The following EXT1 variants were observed in gnomAD, a reference collection of about 807,000 sequenced individuals.
The protein encoded by EXT1 is exostosin glycosyltransferase 1, also known as exostosin-1.
Under a neutral mutation model 82.5 loss-of-function variants are expected in EXT1, and 20 were observed. The observed-to-expected ratio is 0.24, with a 90% CI of 0.17 to 0.35. EXT1 has a LOEUF of 0.35. Among genes scored for constraint, EXT1 ranks in the 10% least tolerant of loss-of-function variants. EXT1 has a pLI of 1.00. For synonymous variants in EXT1, 348 were observed against 350.8 expected (o/e 0.99, Z 0.09); for missense variants, 757 against 936.5 (o/e 0.81, Z 2.50).
chr8:118,068,754 C>A (rs1203436430), intron 1 of EXT1, among the ~76,000 whole-genome samples: 1 of 152,150 alleles, frequency 6.6e-6, no homozygotes, highest in Non-Finnish European at 1.5e-5. Flanking sequence ...GCCTGATAGA[C>A]AATAAACACT....
In EXT1 at chr8:117,799,778, G is replaced by A. The variant is rs1402349742; in HGVS notation, c.2175C>T (p.Asp725=). The A allele has an allele frequency of 3.1e-6, 5 of 1,614,126 alleles. No homozygotes were observed. In the Admixed American group the frequency reaches 5.0e-5, roughly 16 times the overall value. ...MPLIHSQMRL[D]PVLFKDQVSI... is the part of the protein sequence containing the mutation. ...AGACCTGGTCTTTAAAGAGGACGGG[G>A]TCGAGCCTCATCTGAGAGTGGATCA... Residue 725 remains aspartate, a synonymous_variant, in exon 11 of 11, where the codon GAC becomes GAT. Coordinates refer to ENST00000378204, the MANE Select transcript of EXT1 (RefSeq NM_000127.3).
At chr8:117,801,216 T>A (rs927038422) in intron 10 of EXT1, among the ~76,000 whole-genome samples, 3 of 152,204 alleles carry the variant, frequency 2.0e-5, no homozygotes, top group Non-Finnish European at 4.4e-5. Context: ...TGTAAAGTGT[T>A]TTCATGGAGT....
intron 1 of EXT1, among the ~76,000 whole-genome samples, chr8:118,033,938 A>T (rs1431441910): frequency 6.6e-6 from 1 of 152,210 alleles, no homozygotes; most frequent in Non-Finnish European, 1.5e-5. Flanking sequence ...TTAATAACAA[A>T]CTGTTAGAAA....
intron 1 of EXT1, among the ~76,000 whole-genome samples, chr8:118,047,626 G>C (rs552303418): frequency 3.7e-4 from 56 of 152,236 alleles, no homozygotes; most frequent in African/African-American, 1.3e-3. Flanking sequence ...CTGAATATGT[G>C]ATCGAACCTG....
At chr8:118,053,799 C>A (rs950632009) in intron 1 of EXT1, among the ~76,000 whole-genome samples, 5 of 152,166 alleles carry the variant, frequency 3.3e-5, no homozygotes, top group African/African-American at 1.2e-4. Context: ...TGCTCTGAAC[C>A]ATGTTACTTC....
At chr8:118,070,639 CAAAT>C (rs1817073351) in intron 1 of EXT1, among the ~76,000 whole-genome samples, 1 of 152,094 alleles carries the variant, frequency 6.6e-6, no homozygotes, top group African/African-American at 2.4e-5. Flanking sequence ...TAAGACCAAA[CAAAT>C]TCTTTTATGA....
At chr8:118,009,738 C>T (rs541920065) in intron 1 of EXT1, among the ~76,000 whole-genome samples, 46 of 152,284 alleles carry the variant, frequency 3.0e-4, no homozygotes, top group African/African-American at 1.1e-3. Flanking sequence ...ATCTGGGTTG[C>T]ACGCTCCTTA....
intron 1 of EXT1, among the ~76,000 whole-genome samples, chr8:117,881,777 G>A (rs541500130): frequency 6.6e-6 from 1 of 152,274 alleles, no homozygotes; most frequent in South Asian, 2.1e-4. Flanking sequence ...TCTTCTGAAG[G>A]TTGGCAGTGA....
chr8:117,956,896 G>A (rs1018170034), intron 1 of EXT1, among the ~76,000 whole-genome samples: 2 of 152,130 alleles, frequency 1.3e-5, no homozygotes, highest in Non-Finnish European at 2.9e-5. Context: ...CAAGATACCC[G>A]CCTCCGTGAA....
chr8:117,942,502 G>A (rs1359552995), intron 1 of EXT1, among the ~76,000 whole-genome samples: 3 of 152,022 alleles, frequency 2.0e-5, no homozygotes, highest in Non-Finnish European at 2.9e-5. Context: ...ACCTGAGGTC[G>A]GGAGTTCCAG....
In EXT1 at chr8:117,971,434, ACACT is replaced by A. The variant is rs527458554; in HGVS notation, c.963-134237_963-134234del. ...GTTCCCTGATCAAAGCCACTCCATG[ACACT>A]CACTTTTAGGAGTCAAGGGGACTAC... On this transcript the variant is annotated intron_variant, in intron 1 of 10. Transcript: ENST00000378204. Among the ~76,000 whole-genome samples the A allele has an allele frequency of 7.5e-3, 1,141 of 152,344 alleles. 7 individuals carry two copies. Among genetic ancestry groups the A allele is most frequent in the Middle Eastern group, 0.027 (8 of 294 alleles).
rs146389596 is a variant in EXT1 at position 117,812,890 on chromosome 8, C to T, written c.1704G>A (p.Thr568=). Residue 568 remains threonine (T), a synonymous_variant, in exon 8 of 11, where the codon ACG becomes ACA. Coordinates refer to ENST00000378204, the MANE Select transcript of EXT1 (RefSeq NM_000127.3). ...TDAVLSLDED[T]VLSTTEVDFA... is the part of the protein sequence containing the mutation. Reference sequence around the variant, plus strand: ...TTCTTACCTCTGTTGTTGAAAGCACCGTGTCCTCGTCAAGGCTGAGCACGG... The same window carrying T: ...TTCTTACCTCTGTTGTTGAAAGCACTGTGTCCTCGTCAAGGCTGAGCACGG... 1.1e-5 allele frequency: 18 copies of T among 1,613,996 alleles called. No homozygotes were observed. Among genetic ancestry groups the T allele is most frequent in the Middle Eastern group, 1.7e-4 (1 of 6,042 alleles).
chr8:118,083,050 G>C (rs191383756), intron 1 of EXT1, among the ~76,000 whole-genome samples: 1 of 152,272 alleles, frequency 6.6e-6, no homozygotes, highest in East Asian at 1.9e-4. Flanking sequence ...ACCTCTTATA[G>C]TTGATTGACA....
chr8:117,830,408 TCAAAATAACC>T (rs1812079669), intron 3 of EXT1, 59 bp from the exon 4 acceptor site: 1 of 1,596,988 alleles, frequency 6.3e-7, no homozygotes, highest in African/African-American at 1.3e-5. Flanking sequence ...ATGCACTTGA[TCAAAATAACC>T]CAACTGGGTT....
chr8:118,003,034 T>C lies in EXT1; in HGVS notation c.962+107051A>G, dbSNP rs557016723. On this transcript the variant is annotated intron_variant, in intron 1 of 10. Coordinates refer to ENST00000378204, the MANE Select transcript of EXT1 (RefSeq NM_000127.3). Reference sequence around the variant, plus strand: ...TGTTTTATATGTGTATATATATATATACACACACATATACACACCATGGAA... The same window carrying C: ...TGTTTTATATGTGTATATATATATACACACACACATATACACACCATGGAA... Among the ~76,000 whole-genome samples, 42 of 152,146 alleles carry C rather than the reference T, an allele frequency of 2.8e-4. 1 individual carries two copies. The highest frequency in any genetic ancestry group is 1.7e-3 in the South Asian group (8 of 4,812).
intron 1 of EXT1, among the ~76,000 whole-genome samples, chr8:117,896,146 TC>T (rs1431475938): frequency 2.0e-5 from 3 of 152,210 alleles, no homozygotes; most frequent in Non-Finnish European, 2.9e-5. Flanking sequence ...ACTTGAAAAC[TC>T]ACATTCAGGC....
intron 1 of EXT1, among the ~76,000 whole-genome samples, chr8:117,910,553 G>A (rs775065269): frequency 2.0e-5 from 3 of 152,134 alleles, no homozygotes; most frequent in African/African-American, 7.2e-5. Flanking sequence ...GAATTACTGC[G>A]ACAGCCAGAG....
At chr8:118,026,417 CT>C (rs956426947) in intron 1 of EXT1, among the ~76,000 whole-genome samples, 7 of 152,132 alleles carry the variant, frequency 4.6e-5, no homozygotes, top group Admixed American at 3.9e-4. Context: ...TTCTCTACTT[CT>C]TTTATCTTTT....
At chr8:118,054,325 T>A (rs1328872177) in intron 1 of EXT1, among the ~76,000 whole-genome samples, 1 of 152,180 alleles carries the variant, frequency 6.6e-6, no homozygotes, top group Non-Finnish European at 1.5e-5. Flanking sequence ...CTAACAGATT[T>A]ATGTAGTCCC....
Sources: allele counts gnomAD v4.1 joint callset (sites outside exome capture counted in the v4.1 genomes callset), GRCh38; gene constraint gnomAD v4.1.1; transcripts MANE v1.5; gene names NCBI Gene and HGNC (gene_info 2026-07-23, HGNC 2026-07-21).